MBD2: variants seen among roughly 807,000 people sequenced by gnomAD.
MBD2 encodes the protein methyl-CpG binding domain protein 2, also known as methyl-CpG-binding domain protein 2.
Under a neutral mutation model 39.3 loss-of-function variants are expected in MBD2, and 9 were observed. The ratio of observed to expected loss-of-function variants is 0.23; its 90% CI spans 0.14 to 0.40. The LOEUF is 0.40. Ranked by LOEUF, MBD2 falls within the 10% of genes least tolerant of loss-of-function variation. The pLI is 1.00. For missense variants in MBD2, 458 were observed against 532.6 expected (o/e 0.86, Z 1.38); for synonymous variants, 233 against 211.1 (o/e 1.10, Z -0.90).
At chr18:54,177,602 TCCGG>T (rs1198727403) in intron 3 of MBD2, among the ~76,000 whole-genome samples, 7 of 151,856 alleles carry the variant, frequency 4.6e-5, no homozygotes, top group African/African-American at 1.7e-4. Context: ...TGCCTCGGCC[TCCGG>T]AGTAGCTGGG....
At chr18:54,171,807 G>A (rs2086181342) in intron 3 of MBD2, among the ~76,000 whole-genome samples, 1 of 152,172 alleles carries the variant, frequency 6.6e-6, no homozygotes, top group Non-Finnish European at 1.5e-5. Context: ...CAGCATTTTG[G>A]AGAAGATATT....
At chr18:54,207,483 T>C (rs1472470228) in intron 1 of MBD2, among the ~76,000 whole-genome samples, 2 of 152,208 alleles carry the variant, frequency 1.3e-5, no homozygotes, top group Admixed American at 6.5e-5. Context: ...AACACCATTA[T>C]AGGCTAGCAC....
chr18:54,216,547 C>T (rs1237344276), intron 1 of MBD2, among the ~76,000 whole-genome samples: 1 of 152,172 alleles, frequency 6.6e-6, no homozygotes, highest in Non-Finnish European at 1.5e-5. Context: ...GACTTGCCAA[C>T]TATTTCTTAA....
chr18:54,223,981 T>TG, intron 1 of MBD2, 37 bp downstream of exon 1: 13 of 1,014,780 alleles, frequency 1.3e-5, no homozygotes, highest in Non-Finnish European at 1.7e-5. Flanking sequence ...GACCCCGGCC[T>TG]GACCCCGCCA....
chr18:54,216,749 A>G (rs915130964), intron 1 of MBD2, among the ~76,000 whole-genome samples: 22 of 150,940 alleles, frequency 1.5e-4, no homozygotes, highest in African/African-American at 5.4e-4. Flanking sequence ...ACCAAGACAC[A>G]GCATTCAAAA....
At chr18:54,200,351 GATTTA>G (rs1471312069) in intron 2 of MBD2, among the ~76,000 whole-genome samples, 1 of 152,130 alleles carries the variant, frequency 6.6e-6, no homozygotes, top group Non-Finnish European at 1.5e-5. Flanking sequence ...TAGTTTTGTA[GATTTA>G]ATTTATAAAA....
intron 2 of MBD2, among the ~76,000 whole-genome samples, chr18:54,199,263 C>G (rs1416896986): frequency 1.3e-5 from 2 of 152,180 alleles, no homozygotes; most frequent in Non-Finnish European, 2.9e-5. Flanking sequence ...TCACCAGTTG[C>G]TTCATAATTT....
intron 1 of MBD2, among the ~76,000 whole-genome samples, chr18:54,214,733 TTTAGAA>T (rs869235580): frequency 1.8e-5 from 1 of 56,162 alleles, no homozygotes; most frequent in Non-Finnish European, 3.4e-5. Context: ...GTAGAATTCT[TTTAGAA>T]TTCTTTTTTT....
chr18:54,224,392 G>A lies in MBD2; in HGVS notation c.168C>T (p.Gly56=). The change falls in exon 1 of 7, where the codon GGC becomes GGT. Residue 56 remains glycine (G), a synonymous_variant. Transcript: ENST00000256429. ...VSGVRREGAR[G]GGRGRGRWKQ... The stretch of plus-strand genomic sequence containing the variant: ...TCCACCGCCCCCGGCCACGGCCGCC[G>A]CCCCGAGCGCCTTCCCTGCGCACGC... The A allele has an allele frequency of 1.6e-6, 2 of 1,238,056 alleles. No individual in the cohort carries two copies. Among genetic ancestry groups the A allele is most frequent in the Non-Finnish European group, 2.0e-6 (2 of 990,340 alleles). The allele number at this position is 1,238,056 out of a possible 1,614,324, so 76.7% of individuals were successfully genotyped here.
intron 1 of MBD2, among the ~76,000 whole-genome samples, chr18:54,209,362 C>A (rs942863398): frequency 2.5e-4 from 36 of 146,918 alleles, no homozygotes; most frequent in African/African-American, 8.8e-4. Flanking sequence ...ACATCCTTTA[C>A]TAATAAACTA....
At chr18:54,171,172 C>T (rs541161867) in intron 3 of MBD2, among the ~76,000 whole-genome samples, 49 of 152,022 alleles carry the variant, frequency 3.2e-4, no homozygotes, top group African/African-American at 1.0e-3. Context: ...GAGGCCGAGG[C>T]GGGCAGATCA....
intron 3 of MBD2, among the ~76,000 whole-genome samples, chr18:54,171,819 C>T (rs2086181394): frequency 6.6e-6 from 1 of 152,228 alleles, no homozygotes; most frequent in Non-Finnish European, 1.5e-5. Context: ...GAAGATATTA[C>T]TCCCATTTAC....
At chr18:54,178,440 T>C (rs1327488874) in intron 3 of MBD2, among the ~76,000 whole-genome samples, 2 of 152,052 alleles carry the variant, frequency 1.3e-5, no homozygotes, top group Non-Finnish European at 2.9e-5. Context: ...GATCATATTT[T>C]AAAACAAATT....
At chr18:54,195,734 G>C (rs115043418) in intron 2 of MBD2, among the ~76,000 whole-genome samples, 4,845 of 151,932 alleles carry the variant, frequency 0.032, 260 homozygotes, top group African/African-American at 0.11. Context: ...AAAAACCAGC[G>C]CTTAGTAAAA....
intron 5 of MBD2, among the ~76,000 whole-genome samples, chr18:54,160,782 A>C (rs1357092140): frequency 6.6e-6 from 1 of 152,120 alleles, no homozygotes; most frequent in African/African-American, 2.4e-5. Flanking sequence ...CAAAGGTTGA[A>C]GAAAGACAAG....
chr18:54,209,064 G>C (rs1043704565), intron 1 of MBD2, among the ~76,000 whole-genome samples: 1 of 152,152 alleles, frequency 6.6e-6, no homozygotes, highest in Non-Finnish European at 1.5e-5. Context: ...GGAGGCCAAG[G>C]AGGGCGGATT....
intron 3 of MBD2, among the ~76,000 whole-genome samples, chr18:54,168,202 A>T (rs1380621264): frequency 6.6e-6 from 1 of 151,962 alleles, no homozygotes; most frequent in Non-Finnish European, 1.5e-5. Flanking sequence ...TTTACATCTA[A>T]AAGTTCCAAT....
At chr18:54,200,174 G>T (rs2086395047) in intron 2 of MBD2, among the ~76,000 whole-genome samples, 1 of 152,000 alleles carries the variant, frequency 6.6e-6, no homozygotes, top group Non-Finnish European at 1.5e-5. Context: ...TATCCAATTT[G>T]GGTGAATAGA....
At chr18:54,173,809 G>A (rs796439762) in intron 3 of MBD2, among the ~76,000 whole-genome samples, 2 of 152,348 alleles carry the variant, frequency 1.3e-5, no homozygotes, top group African/African-American at 2.4e-5. Context: ...AAGGACTGAA[G>A]CCTAGAAAAG....
Sources: allele counts gnomAD v4.1 joint callset (sites outside exome capture counted in the v4.1 genomes callset), GRCh38; gene constraint gnomAD v4.1.1; transcripts MANE v1.5; gene names NCBI Gene and HGNC (gene_info 2026-07-23, HGNC 2026-07-21).